ZNF676: variants seen among roughly 807,000 people sequenced by gnomAD.
ZNF676 encodes the protein zinc finger protein 676.
A neutral mutation model predicts 6.0 loss-of-function variants in ZNF676; 4 were observed. That is an observed-to-expected ratio of 0.67 (90% CI 0.33 to 1.53). The LOEUF (loss-of-function observed/expected upper bound fraction) is 1.53. Ranked by LOEUF, ZNF676 falls within the 40% of genes most tolerant of loss-of-function variation. The pLI, the probability that ZNF676 is intolerant of heterozygous loss-of-function variation, is 0.06. For missense variants in ZNF676, 644 were observed against 679.7 expected, an observed-to-expected ratio of 0.95 and a Z score of 0.58; for synonymous variants, 198 against 223.1, an observed-to-expected ratio of 0.89 and a Z score of 1.00.
chr19:22,213,635 G>A (rs560905013), intron 1 of ZNF676, among the ~76,000 whole-genome samples: 19 of 148,670 alleles, frequency 1.3e-4, no homozygotes, highest in African/African-American at 4.7e-4. Context: ...TTGTCTTATG[G>A]GAGATGAGAG....
At chr19:22,184,808 T>C (rs1308776388) in intron 2 of ZNF676, among the ~76,000 whole-genome samples, 3 of 131,800 alleles carry the variant, frequency 2.3e-5, no homozygotes, top group Non-Finnish European at 4.6e-5. Flanking sequence ...GTTCCTCCTC[T>C]TTGGGCAGGG....
intron 1 of ZNF676, among the ~76,000 whole-genome samples, chr19:22,195,751 C>A (rs73550926): frequency 6.6e-5 from 10 of 152,128 alleles, no homozygotes; most frequent in African/African-American, 2.4e-4. Context: ...GTGTAACCAA[C>A]GTAGAATATA....
chr19:22,199,733 T>C (rs1355549905), upstream of ZNF676, among the ~76,000 whole-genome samples: 4 of 152,328 alleles, frequency 2.6e-5, no homozygotes, highest in South Asian at 8.3e-4. Context: ...TTTACTTTCT[T>C]GTGACTTGTG....
chr19:22,255,322 C>A, the ZNF676 span, among the ~76,000 whole-genome samples: 1 of 152,140 alleles, frequency 6.6e-6, no homozygotes, highest in Admixed American at 6.5e-5. Context: ...AGGGTGCGCA[C>A]AGGAGTGTCA....
At chr19:22,247,727 G>A in the ZNF676 span, among the ~76,000 whole-genome samples, 1 of 152,192 alleles carries the variant, frequency 6.6e-6, no homozygotes, top group African/African-American at 2.4e-5. Flanking sequence ...AGAGGTTGCA[G>A]TGAGCCAAGA....
At chr19:22,207,573 T>C (rs573654009) in intron 1 of ZNF676, among the ~76,000 whole-genome samples, 2 of 152,264 alleles carry the variant, frequency 1.3e-5, no homozygotes, top group South Asian at 4.1e-4. Context: ...AAATATTTTT[T>C]AACAGAACTA....
chr19:22,209,576 C>G (rs189897844), intron 1 of ZNF676, among the ~76,000 whole-genome samples: 3 of 152,144 alleles, frequency 2.0e-5, no homozygotes, highest in East Asian at 3.9e-4. Flanking sequence ...AAAATAATCT[C>G]CACACCAAAC....
Position 22,180,169 on chromosome 19 carries a change from C to A in ZNF676, c.1548G>T (p.Trp516Cys). Residue 516 changes from tryptophan (W) to cysteine (C), a missense_variant, in exon 3 of 3, where the codon TGG (tryptophan) becomes TGT (cysteine). Around this residue, in one of 5 missense-constraint regions of ZNF676, gnomAD observed 306 missense variants for 265.4 expected, o/e 1.15. Coordinates refer to ENST00000397121, the MANE Select transcript of ZNF676 (RefSeq NM_001001411.3). ...TCTTATGTTCAGTAAGGATCGAGGA[C>A]CAGCTGAAGGCTTTGCCACATTCTT... The part of the protein sequence containing the change: ...KCEECGKAFS[W>C]SSILTEHKII... 1 of 1,607,310 alleles carries A rather than the reference C, an allele frequency of 6.2e-7. No homozygotes were observed. Among genetic ancestry groups the A allele is most frequent in the African/African-American group, 1.4e-5 (1 of 73,134 alleles).
At chr19:22,229,701 C>G in the ZNF676 span, among the ~76,000 whole-genome samples, 1 of 152,158 alleles carries the variant, frequency 6.6e-6, no homozygotes, top group Non-Finnish European at 1.5e-5. Context: ...TAAGAACAGA[C>G]ACTTCTCAAA....
rs1371587840 is a variant in ZNF676, at chr19:22,194,649, G to C, written c.35-1538C>G. On this transcript the variant is annotated intron_variant, in intron 1 of 2. Transcript: ENST00000397121. ...AGGATTCTGTCCTCGCTGTAACAAA[G>C]GGAATCACTGGGCTGTAACAATGGA... is the stretch of plus-strand genomic sequence containing the variant. 1.1e-4 allele frequency among the ~76,000 whole-genome samples: 17 copies of C among 152,236 alleles called. No homozygotes were observed. In the East Asian group the frequency reaches 3.3e-3, roughly 29 times the overall value.
the ZNF676 span, among the ~76,000 whole-genome samples, chr19:22,242,271 A>G: frequency 1.1e-4 from 17 of 151,942 alleles, no homozygotes; most frequent in South Asian, 4.1e-4. Flanking sequence ...TTTTGAGGCC[A>G]GGGACCAGGG....
At chr19:22,218,907 T>G (rs901190092), upstream of ZNF676, among the ~76,000 whole-genome samples, 17 of 151,276 alleles carry the variant, frequency 1.1e-4, no homozygotes, top group Admixed American at 6.6e-5. Flanking sequence ...GTCTTCAGAT[T>G]TTTTTGTGTG....
chr19:22,187,267 A>G (rs2023851555), intron 2 of ZNF676, among the ~76,000 whole-genome samples: 1 of 152,222 alleles, frequency 6.6e-6, no homozygotes, highest in African/African-American at 2.4e-5. Context: ...CTCCTGAATG[A>G]CTACAGGGTA....
upstream of ZNF676, among the ~76,000 whole-genome samples, chr19:22,217,492 G>A (rs1225312565): frequency 1.3e-5 from 2 of 151,792 alleles, no homozygotes; most frequent in African/African-American, 4.8e-5. Context: ...GTGAGCCACC[G>A]TGCCCATCCC....
At chr19:22,200,826 G>A (rs2024018109), upstream of ZNF676, among the ~76,000 whole-genome samples, 1 of 152,012 alleles carries the variant, frequency 6.6e-6, no homozygotes, top group African/African-American at 2.4e-5. Context: ...TGGGATTACA[G>A]GTATGAGACA....
the ZNF676 span, among the ~76,000 whole-genome samples, chr19:22,228,326 C>T: frequency 6.6e-6 from 1 of 152,146 alleles, no homozygotes; most frequent in Non-Finnish European, 1.5e-5. Context: ...TAAAAACTCT[C>T]AATAAACTAA....
At chr19:22,215,697 G>C in exon 1 of ZNF676, 1 of 1,584,508 alleles carries the variant, frequency 6.3e-7, no homozygotes, top group Non-Finnish European at 8.6e-7. Flanking sequence ...GCAGGTCATA[G>C]GGCCACAGAG....
chr19:22,215,802 C>T (rs12981891), upstream of ZNF676: 20 of 688,670 alleles, frequency 2.9e-5, no homozygotes, highest in Middle Eastern at 7.4e-4. Flanking sequence ...ACCTGTCCCC[C>T]CCCCCAGCTG....
At chr19:22,216,290 T>TAGAGAATA (rs2024188987), upstream of ZNF676, among the ~76,000 whole-genome samples, 1 of 151,772 alleles carries the variant, frequency 6.6e-6, no homozygotes. Context: ...CGAACATTAG[T>TAGAGAATA]CAGGTGTGGT....
Sources: gnomAD v4.1 joint callset for allele counts (sites outside exome capture counted in the v4.1 genomes callset) on GRCh38, gnomAD v4.1.1 for gene constraint, gnomAD v4.1.1 regional missense constraint, MANE v1.5 for transcripts, NCBI Gene and HGNC (gene_info 2026-07-23, HGNC 2026-07-21) for gene names.